TBC1D2B: variants seen among roughly 807,000 people sequenced by gnomAD.
TBC1D2B encodes the protein TBC1 domain family, member 2B.
TBC1D2B carries 64 observed loss-of-function variants against 100.8 expected under a neutral mutation model. The observed-to-expected ratio is 0.64, with a 90% CI of 0.52 to 0.78. TBC1D2B has a LOEUF of 0.78. Among genes scored for constraint, TBC1D2B ranks in the 30% least tolerant of loss-of-function variants. The probability of loss-of-function intolerance (pLI) is 0.00; values close to 1 mark genes in which losing one functional copy is unlikely to be tolerated. For missense variants in TBC1D2B, 1,052 were observed against 1,218.4 expected (o/e 0.86, Z 2.03); for synonymous variants, 480 against 479.7 (o/e 1.00, Z -0.01).
At chr15:78,028,846 T>C (rs2072736730) in intron 4 of TBC1D2B, among the ~76,000 whole-genome samples, 1 of 151,932 alleles carries the variant, frequency 6.6e-6, no homozygotes, top group Non-Finnish European at 1.5e-5. Context: ...CTTCAACAAA[T>C]GTGGCAAAGG....
In TBC1D2B at chr15:77,995,532, A is replaced by C. The variant is rs1286282938; in HGVS notation, c.*2628T>G. The C allele has an allele frequency of 2.0e-5, 3 of 152,226 alleles. No individual in the cohort carries two copies. Among genetic ancestry groups the C allele is most frequent in the Non-Finnish European group, 4.4e-5 (3 of 68,002 alleles). The allele number at this position is 152,226 out of a possible 1,614,324, so 9.4% of individuals were successfully genotyped here. A position where few individuals can be genotyped will look rare whatever the true frequency, so the allele number is the denominator to read the frequency against. On this transcript the variant is annotated 3_prime_UTR_variant, in exon 13 of 13. Coordinates refer to ENST00000300584, the MANE Select transcript of TBC1D2B (RefSeq NM_144572.2). ...TGGCACAGATACACACAAGGGAGTC[A>C]CACACATAACATAATAACTTGTTAT...
chr15:78,065,052 G>A (rs1037110995), intron 1 of TBC1D2B, among the ~76,000 whole-genome samples: 12 of 152,104 alleles, frequency 7.9e-5, no homozygotes, highest in African/African-American at 2.2e-4. Flanking sequence ...TCAATTTCCC[G>A]GAAGAGTCTG....
intron 10 of TBC1D2B, among the ~76,000 whole-genome samples, chr15:78,006,754 GT>G (rs1206076068): frequency 6.6e-6 from 1 of 152,218 alleles, no homozygotes. Flanking sequence ...GCTCTGTGCA[GT>G]TGTACAGCTG....
intron 2 of TBC1D2B, among the ~76,000 whole-genome samples, chr15:78,053,205 G>C (rs2141801798): frequency 6.6e-6 from 1 of 152,254 alleles, no homozygotes; most frequent in East Asian, 1.9e-4. Flanking sequence ...CTGAGCAGAG[G>C]GTCCCACGGG....
rs569062833 is a variant in TBC1D2B, at chr15:78,042,838, G to A, written c.683+2062C>T. Among the ~76,000 whole-genome samples the A allele has an allele frequency of 3.3e-5, 5 of 152,362 alleles. No homozygotes were observed. The East Asian group carries it at 9.6e-4, about 29-fold the overall frequency. ...CCTCAAATATCAGACCAAAGAGTTTGGAGCTGCACTTGCAGGCTGAGGGCT... is the reference window on the plus strand; with the variant it reads ...CCTCAAATATCAGACCAAAGAGTTTAGAGCTGCACTTGCAGGCTGAGGGCT... On this transcript the variant is annotated intron_variant, in intron 3 of 12. Coordinates refer to ENST00000300584, the MANE Select transcript of TBC1D2B (RefSeq NM_144572.2).
intron 1 of TBC1D2B, among the ~76,000 whole-genome samples, chr15:78,063,773 G>A (rs1304682939): frequency 6.6e-6 from 1 of 152,020 alleles, no homozygotes; most frequent in African/African-American, 2.4e-5. Context: ...TAATAGAATC[G>A]CCAGGTCTCC....
At position 78,025,625 on chromosome 15, in the gene TBC1D2B, C is replaced by T; in HGVS notation, c.848-128G>A. ...CACTGTAAGCTCCGCCTCCCAGGTT[C>T]ATGCCATTCTCCTGCCTCAGCCTCC... On this transcript the variant is annotated intron_variant, in intron 4 of 12. Coordinates refer to ENST00000300584, the MANE Select transcript of TBC1D2B (RefSeq NM_144572.2). 3 of 617,010 alleles carry T rather than the reference C, an allele frequency of 4.9e-6. No homozygotes were observed. The South Asian group carries it at 7.9e-5, about 16-fold the overall frequency. The allele number at this position is 617,010 out of a possible 1,614,324, so 38.2% of individuals were successfully genotyped here.
chr15:78,047,713 C>G (rs1229380239), intron 2 of TBC1D2B, among the ~76,000 whole-genome samples: 1 of 152,216 alleles, frequency 6.6e-6, no homozygotes, highest in Non-Finnish European at 1.5e-5. Flanking sequence ...GAGTCCAGAG[C>G]CAGGGCCAGA....
At chr15:78,034,571 T>C in intron 3 of TBC1D2B, 1 of 985,354 alleles carries the variant, frequency 1.0e-6, no homozygotes, top group Non-Finnish European at 1.2e-6. Context: ...CCACACGGCC[T>C]GGGGAGAGAG....
intron 1 of TBC1D2B, among the ~76,000 whole-genome samples, chr15:78,062,652 T>C (rs1367246746): frequency 2.6e-5 from 4 of 152,246 alleles, no homozygotes; most frequent in Admixed American, 2.6e-4. Context: ...GAAAATTCTC[T>C]ACCCATATAT....
intron 6 of TBC1D2B, among the ~76,000 whole-genome samples, chr15:78,018,466 A>T (rs1337204265): frequency 6.6e-6 from 1 of 152,260 alleles, no homozygotes; most frequent in Non-Finnish European, 1.5e-5. Flanking sequence ...CCTAAAACGT[A>T]TAAGGCACGT....
At chr15:78,044,126 G>A (rs1271073650) in intron 3 of TBC1D2B, among the ~76,000 whole-genome samples, 1 of 152,104 alleles carries the variant, frequency 6.6e-6, no homozygotes, top group African/African-American at 2.4e-5. Flanking sequence ...GGGGTTGGGG[G>A]AAATGAGAAG....
rs1214398336 is a variant in TBC1D2B at position 78,026,077 on chromosome 15, ACTAAGCATC to A, written c.848-589_848-581del. ...CATTTTTCATGGAAAACTAAGACAT[ACTAAGCATC>A]CTATTTTTGCTAATTTGTCCTTAGC... On this transcript the variant is annotated intron_variant, in intron 4 of 12. Transcript: ENST00000300584. Among the ~76,000 whole-genome samples the A allele has an allele frequency of 4.6e-5, 7 of 152,078 alleles. No homozygotes were observed. The East Asian group carries it at 7.7e-4, about 17-fold the overall frequency.
At chr15:78,030,929 C>T (rs2072792451) in intron 3 of TBC1D2B, among the ~76,000 whole-genome samples, 2 of 152,170 alleles carry the variant, frequency 1.3e-5, no homozygotes, top group Admixed American at 1.3e-4. Context: ...TTGATTGAGC[C>T]TACAACATGC....
rs771056168 is a variant in TBC1D2B, at chr15:78,054,151, C to T, written c.397G>A (p.Glu133Lys). 4 of 1,613,684 alleles carry T rather than the reference C, an allele frequency of 2.5e-6. No homozygotes were observed. The highest frequency in any genetic ancestry group is 3.4e-6 in the Non-Finnish European group (4 of 1,179,760). ...NRQLMTYWLQ[E>K]LQQKRWEYCN... is the part of the protein sequence containing the mutation. ...TATTCCCATCTCTTCTGCTGAAGCTCCTGTAACCAGTAAGTCATGAGTTGA... is the reference window on the plus strand; with the variant it reads ...TATTCCCATCTCTTCTGCTGAAGCTTCTGTAACCAGTAAGTCATGAGTTGA... The change falls in exon 2 of 13, where the codon GAG becomes AAG. Residue 133 changes from glutamate to lysine, a missense_variant. Transcript: ENST00000300584.
rs759507296 is a variant in TBC1D2B, at chr15:78,024,419, C to A, written c.1207G>T (p.Asp403Tyr). 3 of 1,614,052 alleles carry A rather than the reference C, an allele frequency of 1.9e-6. No individual in the cohort carries two copies. The highest frequency in any genetic ancestry group is 2.5e-6 in the Non-Finnish European group (3 of 1,179,898). Residue 403 changes from aspartate (D) to tyrosine (Y), a missense_variant, in exon 6 of 13, where the codon GAT becomes TAT. By Grantham distance (160) the Asp-to-Tyr change is radical. Coordinates refer to ENST00000300584, the MANE Select transcript of TBC1D2B (RefSeq NM_144572.2). ...TGGCTGGTAAGGCCCAGAATCTGAT[C>A]ATCCTTTTGGTGCAGAAGCTCGAGC... is the stretch of plus-strand genomic sequence containing the variant. ...DTLELLHQKDDQILGLTSQLE... is the reference protein window; with the variant it reads ...DTLELLHQKDYQILGLTSQLE...
chr15:78,008,394 G>A (rs568295501), intron 10 of TBC1D2B, among the ~76,000 whole-genome samples: 3 of 152,240 alleles, frequency 2.0e-5, no homozygotes, highest in East Asian at 3.8e-4. Context: ...GCATGGGTGC[G>A]GCAGCGGCAG....
chr15:78,053,950 A>C, intron 2 of TBC1D2B, 84 bp downstream of exon 2: 2 of 1,383,456 alleles, frequency 1.4e-6, no homozygotes, highest in Non-Finnish European at 1.9e-6. Context: ...TTCTAAATTC[A>C]TTTTCATTCA....
chr15:78,037,659 A>G (rs781146520), intron 3 of TBC1D2B, among the ~76,000 whole-genome samples: 12 of 152,150 alleles, frequency 7.9e-5, no homozygotes, highest in Non-Finnish European at 1.5e-4. Context: ...CCAGCTGCCC[A>G]GCCAGGCAGT....
Sources: gnomAD v4.1 joint callset for allele counts (sites outside exome capture counted in the v4.1 genomes callset) on GRCh38, gnomAD v4.1.1 for gene constraint, MANE v1.5 for transcripts, NCBI Gene and HGNC (gene_info 2026-07-23, HGNC 2026-07-21) for gene names.